SDK1: variants seen among roughly 807,000 people sequenced by gnomAD.
SDK1 encodes protein sidekick-1.
Under a neutral mutation model 245.5 loss-of-function variants are expected in SDK1, and 157 were observed. That is an observed-to-expected ratio of 0.64 (90% confidence interval 0.56 to 0.73). The LOEUF is 0.73. Among genes scored for constraint, SDK1 ranks in the 30% least tolerant of loss-of-function variants. The pLI is 0.00. For synonymous variants in SDK1, 1,647 were observed against 1,278.5 expected (o/e 1.29, Z -6.15); for missense variants, 3,583 against 3,002.3 (o/e 1.19, Z -4.52).
chr7:4,245,672 C>G lies in SDK1; in HGVS notation c.6252-4C>G. 2.5e-6 allele frequency: 4 copies of G among 1,613,834 alleles called. No individual in the cohort carries two copies. The highest frequency in any genetic ancestry group is 3.4e-6 in the Non-Finnish European group (4 of 1,179,854). On this transcript the variant is annotated splice_region_variant and splice_polypyrimidine_tract_variant and intron_variant, in intron 43 of 44. Coordinates refer to ENST00000404826, the MANE Select transcript of SDK1 (RefSeq NM_152744.4). ...GGTAATTGCAGCATGGGTCCTCATC[C>G]TAGGTCCCCACCCCGGCCTAGCCCC...
intron 4 of SDK1, among the ~76,000 whole-genome samples, chr7:3,762,978 T>G (rs1780150158): frequency 6.6e-6 from 1 of 152,188 alleles, no homozygotes; most frequent in Non-Finnish European, 1.5e-5. Context: ...CATCAGAGAC[T>G]GGATCTTTTG....
chr7:3,590,716 A>ACCTT (rs1780839806), intron 1 of SDK1, among the ~76,000 whole-genome samples: 2 of 151,726 alleles, frequency 1.3e-5, no homozygotes, highest in African/African-American at 2.4e-5. Flanking sequence ...AAATACTGAT[A>ACCTT]ACAGAGCCTC....
chr7:4,012,306 A>G, intron 16 of SDK1, 71 bp downstream of exon 16: 2 of 1,404,948 alleles, frequency 1.4e-6, no homozygotes, highest in Non-Finnish European at 1.9e-6. Flanking sequence ...GAGGGTTGCA[A>G]ACTCTAATGT....
At chr7:3,973,234 C>T (rs1782631028) in intron 12 of SDK1, among the ~76,000 whole-genome samples, 1 of 152,146 alleles carries the variant, frequency 6.6e-6, no homozygotes, top group Non-Finnish European at 1.5e-5. Flanking sequence ...CCATCTCCCT[C>T]TTGTGGAATC....
intron 1 of SDK1, among the ~76,000 whole-genome samples, chr7:3,411,832 T>C (rs1046264696): frequency 7.9e-5 from 12 of 152,182 alleles, no homozygotes; most frequent in Admixed American, 3.3e-4. Flanking sequence ...TGTGAGGGCT[T>C]GATGGGGTTG....
chr7:3,781,017 C>G (rs1302946974), intron 4 of SDK1, among the ~76,000 whole-genome samples: 1 of 152,100 alleles, frequency 6.6e-6, no homozygotes, highest in Non-Finnish European at 1.5e-5. Flanking sequence ...AGCATAGAGG[C>G]TAGACCTGCC....
intron 1 of SDK1, among the ~76,000 whole-genome samples, chr7:3,382,119 T>C (rs937421860): frequency 1.1e-4 from 17 of 152,116 alleles, no homozygotes; most frequent in Non-Finnish European, 1.8e-4. Context: ...TTTTATTTTT[T>C]ATTTTTTTTC....
chr7:3,948,346 C>T (rs980403690), intron 5 of SDK1, among the ~76,000 whole-genome samples: 1 of 151,262 alleles, frequency 6.6e-6, no homozygotes, highest in Admixed American at 6.6e-5. Flanking sequence ...CAACCTCCAC[C>T]TCTCGGGTTC....
intron 4 of SDK1, among the ~76,000 whole-genome samples, chr7:3,819,872 T>C (rs1266505931): frequency 6.6e-6 from 1 of 152,178 alleles, no homozygotes; most frequent in East Asian, 1.9e-4. Context: ...GAAAAAGGAT[T>C]ATTATAATGC....
intron 5 of SDK1, among the ~76,000 whole-genome samples, chr7:3,856,779 G>A (rs550422010): frequency 1.2e-4 from 18 of 152,196 alleles, no homozygotes; most frequent in South Asian, 4.1e-4. Context: ...CAACAAGAGC[G>A]AAACTCCACC....
At chr7:3,427,431 A>T (rs1056068975) in intron 1 of SDK1, among the ~76,000 whole-genome samples, 1 of 151,806 alleles carries the variant, frequency 6.6e-6, no homozygotes, top group African/African-American at 2.4e-5. Flanking sequence ...GAGCAGGAGA[A>T]TCACTTGAAC....
chr7:4,037,684 G>A (rs530997938), intron 17 of SDK1, among the ~76,000 whole-genome samples: 1 of 152,140 alleles, frequency 6.6e-6, no homozygotes, highest in East Asian at 1.9e-4. Context: ...TTTTCACAAA[G>A]CAAAAAGCAA....
At chr7:3,900,712 C>T (rs80312578) in intron 5 of SDK1, among the ~76,000 whole-genome samples, 2,754 of 152,192 alleles carry the variant, frequency 0.018, 41 homozygotes, top group Non-Finnish European at 0.027. Flanking sequence ...TTGGCCGCTT[C>T]GAGTCCCCTC....
intron 1 of SDK1, among the ~76,000 whole-genome samples, chr7:3,394,750 G>T (rs573825416): frequency 6.6e-6 from 1 of 151,886 alleles, no homozygotes; most frequent in African/African-American, 2.4e-5. Flanking sequence ...TTATTTGTAT[G>T]TACTTTTTTA....
chr7:3,637,072 A>T (rs1251207261), intron 2 of SDK1, among the ~76,000 whole-genome samples: 3 of 149,104 alleles, frequency 2.0e-5, no homozygotes, highest in African/African-American at 7.6e-5. Flanking sequence ...AGAGAGAGAG[A>T]GAGTGCGTGC....
chr7:3,851,423 T>G (rs1780416840), intron 5 of SDK1, among the ~76,000 whole-genome samples: 1 of 152,204 alleles, frequency 6.6e-6, no homozygotes. Flanking sequence ...TAATTTATAC[T>G]TATATTTTCA....
intron 1 of SDK1, among the ~76,000 whole-genome samples, chr7:3,328,892 A>G (rs896910240): frequency 1.3e-5 from 2 of 152,128 alleles, no homozygotes; most frequent in African/African-American, 2.4e-5. Flanking sequence ...GCAGTGAACA[A>G]CTTTGTGCAG....
At chr7:3,313,697 G>C (rs1371013195) in intron 1 of SDK1, among the ~76,000 whole-genome samples, 1 of 152,096 alleles carries the variant, frequency 6.6e-6, no homozygotes, top group African/African-American at 2.4e-5. Flanking sequence ...GTTGGTCAAA[G>C]GATACAAAAT....
chr7:3,443,983 C>T (rs548910304), intron 1 of SDK1, among the ~76,000 whole-genome samples: 1 of 152,316 alleles, frequency 6.6e-6, no homozygotes, highest in East Asian at 1.9e-4. Flanking sequence ...CTATCATATA[C>T]ATAGCACGGA....
Sources: allele counts gnomAD v4.1 joint callset (sites outside exome capture counted in the v4.1 genomes callset), GRCh38; gene constraint gnomAD v4.1.1; transcripts MANE v1.5; gene names NCBI Gene and HGNC (gene_info 2026-07-23, HGNC 2026-07-21).